Variants in TVP23A observed in about 807,000 individuals in gnomAD.
TVP23A encodes the protein trans-golgi network vesicle protein 23 homolog A, also known as Golgi apparatus membrane protein TVP23 homolog A.
In TVP23A, 21 loss-of-function variants were observed where a neutral mutation model predicts 31.7. That is an observed-to-expected ratio of 0.66 (90% CI 0.47 to 0.95). The LOEUF (loss-of-function observed/expected upper bound fraction) is 0.95. Among genes scored for constraint, TVP23A ranks in the 40% least tolerant of loss-of-function variants. The pLI is 0.00. For missense variants in TVP23A, 279 were observed against 255.6 expected (o/e 1.09, Z -0.62); for synonymous variants, 104 against 96.0 (o/e 1.08, Z -0.49).
chr16:10,792,081 TC>T (rs2033137445), intron 2 of TVP23A, among the ~76,000 whole-genome samples: 1 of 152,198 alleles, frequency 6.6e-6, no homozygotes, highest in Non-Finnish European at 1.5e-5. Context: ...AGACACCACC[TC>T]CTCAAACCTG....
intron 2 of TVP23A, among the ~76,000 whole-genome samples, chr16:10,789,304 C>G (rs551731395): frequency 1.3e-5 from 2 of 152,148 alleles, no homozygotes; most frequent in South Asian, 2.1e-4. Flanking sequence ...AGAATTCCCC[C>G]CCAAGAGACA....
At chr16:10,761,580 G>A in intron 8 of TVP23A, 2 of 1,101,760 alleles carry the variant, frequency 1.8e-6, no homozygotes, top group East Asian at 2.5e-5. Flanking sequence ...TGTCATTTTG[G>A]GAAGTGGAAT....
At chr16:10,765,506 T>C (rs1185930440), downstream of TVP23A, among the ~76,000 whole-genome samples, 3 of 151,820 alleles carry the variant, frequency 2.0e-5, no homozygotes, top group South Asian at 2.1e-4. This position sits in a 1 kb window ranked among gnomAD's most constrained non-coding sequence, Gnocchi z 4.0. Flanking sequence ...AGAACCTGTC[T>C]CAAAAAAAAA....
chr16:10,786,316 G>A (rs1168735389), intron 2 of TVP23A, among the ~76,000 whole-genome samples: 1 of 152,142 alleles, frequency 6.6e-6, no homozygotes, highest in African/African-American at 2.4e-5. Context: ...GCTTAGGCCT[G>A]TAATCTCAGC....
chr16:10,770,013 C>T (rs1441813397), intron 7 of TVP23A, among the ~76,000 whole-genome samples: 4 of 152,138 alleles, frequency 2.6e-5, no homozygotes. Context: ...TAGGACCATA[C>T]ATATGATCAG....
chr16:10,786,330 T>C (rs866272764), intron 2 of TVP23A, among the ~76,000 whole-genome samples: 4 of 152,104 alleles, frequency 2.6e-5, no homozygotes, highest in Admixed American at 6.6e-5. Flanking sequence ...TCTCAGCACT[T>C]TGGGAGGCTG....
rs2031225427 is a variant in TVP23A, at chr16:10,768,440, C to G, written c.*662G>C. The stretch of plus-strand genomic sequence containing the variant: ...TGGCTAACATGGAGAAACACTGTCT[C>G]TACTAAAAATATGAAAATTAGCCGG... On this transcript the variant is annotated 3_prime_UTR_variant, in exon 8 of 8. Transcript: ENST00000299866. This position sits in a 1 kb window ranked among gnomAD's most constrained non-coding sequence, Gnocchi z 4.3. 1 of 160,242 alleles carries G rather than the reference C, an allele frequency of 6.2e-6. No individual in the cohort carries two copies. Among genetic ancestry groups the G allele is most frequent in the Non-Finnish European group, 1.4e-5 (1 of 73,432 alleles). 9.9% of individuals were successfully genotyped at this position (160,242 alleles called of 1,614,324 possible).
At chr16:10,799,837 G>A (rs149206998) in intron 2 of TVP23A, among the ~76,000 whole-genome samples, 21 of 152,182 alleles carry the variant, frequency 1.4e-4, no homozygotes, top group Admixed American at 2.6e-4. Flanking sequence ...CAGGGGACTC[G>A]GAGTTATTAA....
exon 9 of TVP23A, chr16:10,761,311 A>G (rs866565194): frequency 1.3e-6 from 2 of 1,544,766 alleles, no homozygotes; most frequent in Non-Finnish European, 8.9e-7. Context: ...TTGCACAGAC[A>G]TTCCCTTTCT....
chr16:10,767,871 C>A lies in TVP23A; in HGVS notation c.*1231G>T, dbSNP rs572976431. On this transcript the variant is annotated 3_prime_UTR_variant, in exon 8 of 8. Transcript: ENST00000299866. The surrounding 1 kb of genome is among the most constrained non-coding windows in gnomAD (Gnocchi z 4.6). ...CAAGATCTTCCCATTGTCACCAGCA[C>A]GGAAAGAGCCCCAAGATCTTGTGGC... is the stretch of plus-strand genomic sequence containing the variant. The A allele has an allele frequency of 7.5e-7, 1 of 1,337,322 alleles. No homozygotes were observed. The highest frequency in any genetic ancestry group is 1.1e-6 in the Non-Finnish European group (1 of 930,090). The allele number at this position is 1,337,322 out of a possible 1,614,324, so 82.8% of individuals were successfully genotyped here.
chr16:10,762,786 C>T (rs1421442228), downstream of TVP23A, among the ~76,000 whole-genome samples: 1 of 148,706 alleles, frequency 6.7e-6, no homozygotes, highest in East Asian at 1.9e-4. Context: ...GAAGTATGGC[C>T]TGGCCAGGAG....
chr16:10,812,064 G>A (rs1169158503), intron 2 of TVP23A, among the ~76,000 whole-genome samples: 3 of 151,610 alleles, frequency 2.0e-5, no homozygotes, highest in Admixed American at 6.6e-5. Context: ...ACAAAAATCC[G>A]ATAACTGATT....
intron 2 of TVP23A, among the ~76,000 whole-genome samples, chr16:10,794,536 C>G (rs184451104): frequency 5.9e-5 from 9 of 152,238 alleles, no homozygotes; most frequent in Non-Finnish European, 1.2e-4. Flanking sequence ...TCCAATGAGC[C>G]AGAGAAAATA....
chr16:10,768,865 A>G lies in TVP23A; in HGVS notation c.*237T>C. On this transcript the variant is annotated 3_prime_UTR_variant, in exon 8 of 8. Coordinates refer to ENST00000299866, the MANE Select transcript of TVP23A (RefSeq NM_001079512.4). The surrounding 1 kb of genome is among the most constrained non-coding windows in gnomAD (Gnocchi z 4.3). ...GCCGCAGCCACTGGTTATGAGCAAG[A>G]TGGGTAGTGTGAGGTATTCCGGTCA... 1 of 568,732 alleles carries G rather than the reference A, an allele frequency of 1.8e-6. No homozygotes were observed. Among genetic ancestry groups the G allele is most frequent in the Non-Finnish European group, 3.1e-6 (1 of 317,748 alleles). 35.2% of individuals were successfully genotyped at this position (568,732 alleles called of 1,614,324 possible).
chr16:10,767,949 G>GT lies in TVP23A; in HGVS notation c.*1152dup. 6.2e-7 allele frequency: 1 copy of GT among 1,614,044 alleles called. No homozygotes were observed. Among genetic ancestry groups the GT allele is most frequent in the Non-Finnish European group, 8.5e-7 (1 of 1,179,952 alleles). On this transcript the variant is annotated 3_prime_UTR_variant, in exon 8 of 8. Transcript: ENST00000299866. The surrounding 1 kb of genome is among the most constrained non-coding windows in gnomAD (Gnocchi z 4.6). ...GTCTTCCGTTTGTTTCTTTTTTAAG[G>GT]TAAGAATTGTGACAAAGGCCAGTCT...
downstream of TVP23A, among the ~76,000 whole-genome samples, chr16:10,765,424 T>C (rs1048791026): frequency 3.3e-5 from 5 of 151,630 alleles, no homozygotes; most frequent in Non-Finnish European, 7.4e-5. This position sits in a 1 kb window ranked among gnomAD's most constrained non-coding sequence, Gnocchi z 4.0. Flanking sequence ...GCAGGATCAC[T>C]TGAGCCCAGG....
At chr16:10,778,012 AAAAAAT>A (rs1189094221) in intron 2 of TVP23A, among the ~76,000 whole-genome samples, 2 of 151,666 alleles carry the variant, frequency 1.3e-5, no homozygotes, top group African/African-American at 4.9e-5. Context: ...TCCGTCTCAA[AAAAAAT>A]AAAAATAAAA....
rs1430833945 is a variant in TVP23A, at chr16:10,777,547, C to CGACT, written c.90-2455_90-2452dup. 1.3e-5 allele frequency among the ~76,000 whole-genome samples: 2 copies of CGACT among 152,098 alleles called. No individual in the cohort carries two copies. The highest frequency in any genetic ancestry group is 2.9e-5 in the Non-Finnish European group (2 of 68,016). On this transcript the variant is annotated intron_variant, in intron 2 of 7. Coordinates refer to ENST00000299866, the MANE Select transcript of TVP23A (RefSeq NM_001079512.4). This position sits in a 1 kb window ranked among gnomAD's most constrained non-coding sequence, Gnocchi z 4.5. ...GGTGCCTCTACAACTGTGGGGCTTC[C>CGACT]GACTCCCAGGGGAATGTTAAGATTC... is the stretch of plus-strand genomic sequence containing the variant.
intron 2 of TVP23A, among the ~76,000 whole-genome samples, chr16:10,795,193 C>T (rs2033318666): frequency 6.6e-6 from 1 of 151,218 alleles, no homozygotes; most frequent in Non-Finnish European, 1.5e-5. Context: ...CACTGGCCAA[C>T]AGTGGGACAA....
Sources: gnomAD v4.1 joint callset for allele counts (sites outside exome capture counted in the v4.1 genomes callset) on GRCh38, gnomAD v4.1.1 for gene constraint, Gnocchi (gnomAD v3.1) non-coding constraint, MANE v1.5 for transcripts, NCBI Gene and HGNC (gene_info 2026-07-23, HGNC 2026-07-21) for gene names.